Variants in ZFR2 observed in about 807,000 individuals in gnomAD.
The protein encoded by ZFR2 is zinc finger RNA-binding protein 2.
In ZFR2, 104 loss-of-function variants were observed where a neutral mutation model predicts 105.7. The observed-to-expected ratio is 0.98, with a 90% CI of 0.84 to 1.16. ZFR2 has a LOEUF of 1.16. Ranked by LOEUF, ZFR2 falls within the 50% of genes most tolerant of loss-of-function variation. ZFR2 has a pLI of 0.00. For synonymous variants in ZFR2, 634 were observed against 597.7 expected (o/e 1.06, Z -0.89); for missense variants, 1,425 against 1,355.5 (o/e 1.05, Z -0.80).
At position 3,834,088 on chromosome 19, in the gene ZFR2, G is replaced by A. The variant is rs1475335388; in HGVS notation, c.265-310C>T. The stretch of plus-strand genomic sequence containing the variant: ...GGGTTTGCAGGGAGAAGCCCCCGAG[G>A]CCTTGGCAAGGAAATGGAGAGGGGA... On this transcript the variant is annotated intron_variant, in intron 2 of 18. Transcript: ENST00000262961. The surrounding 1 kb of genome is among the most constrained non-coding windows in gnomAD (Gnocchi z 5.3). Among the ~76,000 whole-genome samples the A allele has an allele frequency of 6.6e-6, 1 of 152,196 alleles. No homozygotes were observed. The highest frequency in any genetic ancestry group is 2.4e-5 in the African/African-American group (1 of 41,458).
Position 3,811,310 on chromosome 19 carries a change from C to T in ZFR2, c.2299G>A (p.Glu767Lys), listed in dbSNP as rs370022880. The T allele has an allele frequency of 5.0e-6, 8 of 1,604,982 alleles. No individual in the cohort carries two copies. The highest frequency in any genetic ancestry group is 1.7e-4 in the Middle Eastern group (1 of 6,024). ...GCATGACGGAGGGCGGCCAGGGACT[C>T]GAGGCACTTCTTGGGGCTCAGGACA... ...GDVLSPKKCL[E>K]SLAALRHARW... The change falls in exon 15 of 19, where the codon GAG becomes AAG. Residue 767 changes from glutamate (E) to lysine (K), a missense_variant. By Grantham distance (56) the Glu-to-Lys change is moderately conservative. Transcript: ENST00000262961.
chr19:3,809,857 T>C (rs933793254), intron 16 of ZFR2, among the ~76,000 whole-genome samples: 3 of 152,014 alleles, frequency 2.0e-5, no homozygotes, highest in Admixed American at 2.0e-4. Flanking sequence ...GGCAGGAGAA[T>C]CGCTTGAGCC....
At chr19:3,860,675 G>A (rs1850492109) in intron 1 of ZFR2, among the ~76,000 whole-genome samples, 1 of 152,150 alleles carries the variant, frequency 6.6e-6, no homozygotes, top group African/African-American at 2.4e-5. Context: ...CGCTAGAGAA[G>A]GCATTAGCTA....
intron 1 of ZFR2, among the ~76,000 whole-genome samples, chr19:3,842,531 CAACCATTTAAAGTAT>C (rs1224343422): frequency 2.0e-5 from 3 of 152,050 alleles, no homozygotes; most frequent in Non-Finnish European, 4.4e-5. Context: ...CTATAGAATT[CAACCATTTAAAGTAT>C]AAAATGTAGT....
At chr19:3,860,821 T>C (rs1222572334) in intron 1 of ZFR2, among the ~76,000 whole-genome samples, 2 of 151,934 alleles carry the variant, frequency 1.3e-5, no homozygotes, top group African/African-American at 4.8e-5. Flanking sequence ...GTTCCAGCCC[T>C]CTCCTGCTGC....
intron 12 of ZFR2, among the ~76,000 whole-genome samples, chr19:3,818,645 A>G (rs886323983): frequency 6.6e-6 from 1 of 152,092 alleles, no homozygotes; most frequent in Non-Finnish European, 1.5e-5. Context: ...TCACACGGGC[A>G]CTCAGTGACA....
chr19:3,822,168 G>C lies in ZFR2; in HGVS notation c.1404C>G (p.Phe468Leu), dbSNP rs760518927. 4 of 1,606,542 alleles carry C rather than the reference G, an allele frequency of 2.5e-6. No individual in the cohort carries two copies. The highest frequency in any genetic ancestry group is 2.2e-5 in the East Asian group (1 of 44,494). The change falls in exon 9 of 19, where the codon TTC (phenylalanine) becomes TTG (leucine). Residue 468 changes from phenylalanine to leucine, a missense_variant. Physicochemically the swap from Phe to Leu is conservative, Grantham distance 22. Coordinates refer to ENST00000262961, the MANE Select transcript of ZFR2 (RefSeq NM_015174.2). ...VFSDEGRVLRFHCKLCECSFN... is the reference protein window; with the variant it reads ...VFSDEGRVLRLHCKLCECSFN... ...AACTGCACTCGCACAGCTTGCAGTGGAAGCGAAGCACTCGCCCTTCGTCGC... is the reference window on the plus strand; with the variant it reads ...AACTGCACTCGCACAGCTTGCAGTGCAAGCGAAGCACTCGCCCTTCGTCGC...
chr19:3,845,196 T>C (rs370865508), intron 1 of ZFR2, among the ~76,000 whole-genome samples: 4 of 152,196 alleles, frequency 2.6e-5, no homozygotes, highest in African/African-American at 9.7e-5. Flanking sequence ...CCATTCTGCA[T>C]TGGGCTAAAT....
rs190214918 is a variant in ZFR2, at chr19:3,823,712, G to A, written c.1214-309C>T. ...GTTAATAGACCATGAAGTATCAGGC[G>A]GACCAAGGCTCGCACTTAACCTACC... On this transcript the variant is annotated intron_variant, in intron 7 of 18. Transcript: ENST00000262961. The surrounding 1 kb of genome is among the most constrained non-coding windows in gnomAD (Gnocchi z 5.4). Among the ~76,000 whole-genome samples, 4 of 152,294 alleles carry A rather than the reference G, an allele frequency of 2.6e-5. No homozygotes were observed. The highest frequency in any genetic ancestry group is 3.9e-4 in the East Asian group (2 of 5,188).
At position 3,839,536 on chromosome 19, in the gene ZFR2, C is replaced by CAAAAAA. The variant is rs60712587; in HGVS notation, c.54-4559_54-4554dup. Among the ~76,000 whole-genome samples the CAAAAAA allele has an allele frequency of 6.0e-4, 22 of 36,640 alleles. 2 individuals carry two copies. The highest frequency in any genetic ancestry group is 9.0e-4 in the Non-Finnish European group (18 of 20,064). 24.0% of individuals were successfully genotyped at this position (36,640 alleles called of 152,430 possible). ...CCTGGGTGACAGAGCGGGATTCTGT[C>CAAAAAA]AAAAAAAAAAAAAAAAAAAAAAAAA... On this transcript the variant is annotated intron_variant, in intron 1 of 18. Coordinates refer to ENST00000262961, the MANE Select transcript of ZFR2 (RefSeq NM_015174.2).
At chr19:3,850,285 G>C (rs565497289) in intron 1 of ZFR2, among the ~76,000 whole-genome samples, 1 of 152,214 alleles carries the variant, frequency 6.6e-6, no homozygotes, top group Non-Finnish European at 1.5e-5. Flanking sequence ...GAAATGAGGA[G>C]TGCTGGTGGG....
At position 3,822,094 on chromosome 19, in the gene ZFR2, C is replaced by A. The variant is rs2037901502; in HGVS notation, c.1478G>T (p.Arg493Leu). ...TGCTGGACGCACCCGGTACTGCAGC[C>A]GGTGCCGCCGCCCCCTCACGTGCAG... ...KDLHVRGRRH[R>L]LQYRKKVNPD... Residue 493 changes from arginine to leucine, a missense_variant, in exon 9 of 19, where the codon CGG (arginine) becomes CTG (leucine). Coordinates refer to ENST00000262961, the MANE Select transcript of ZFR2 (RefSeq NM_015174.2). The A allele has an allele frequency of 1.2e-6, 2 of 1,605,216 alleles. No homozygotes were observed. The highest frequency in any genetic ancestry group is 1.7e-6 in the Non-Finnish European group (2 of 1,176,672).
In ZFR2 at chr19:3,806,044, C is replaced by T. The variant is rs1177685381; in HGVS notation, c.2725G>A (p.Ala909Thr). Reference protein sequence around the residue: ...DLLPPRHRLGARFRKRQRGPG... With the variant: ...DLLPPRHRLGTRFRKRQRGPG... ...CCCCGTTGCCTCTTCCGGAAGCGGG[C>T]CCCCAGCCGGTGTCTGGGCGGCAGG... Residue 909 changes from alanine to threonine, a missense_variant, in exon 19 of 19, where the codon GCC becomes ACC. Ala to Thr is a moderately conservative substitution (Grantham distance 58). Transcript: ENST00000262961. 8 of 1,537,790 alleles carry T rather than the reference C, an allele frequency of 5.2e-6. No individual in the cohort carries two copies. The highest frequency in any genetic ancestry group is 7.0e-6 in the Non-Finnish European group (8 of 1,143,030).
intron 1 of ZFR2, among the ~76,000 whole-genome samples, chr19:3,859,275 G>A (rs1338174480): frequency 6.6e-6 from 1 of 152,242 alleles, no homozygotes; most frequent in Non-Finnish European, 1.5e-5. Flanking sequence ...GCTTACACCA[G>A]CAGTTGGCCA....
chr19:3,832,545 C>T (rs941150299), intron 3 of ZFR2, among the ~76,000 whole-genome samples: 2 of 151,862 alleles, frequency 1.3e-5, no homozygotes, highest in African/African-American at 4.8e-5. Context: ...TGGTCTCGAT[C>T]GCTTGACCTT....
chr19:3,822,097 T>G lies in ZFR2; in HGVS notation c.1475A>C (p.His492Pro). 1 of 1,606,318 alleles carries G rather than the reference T, an allele frequency of 6.2e-7. No homozygotes were observed. The highest frequency in any genetic ancestry group is 2.2e-5 in the East Asian group (1 of 44,454). Residue 492 changes from histidine (H) to proline (P), a missense_variant, in exon 9 of 19, where the codon CAC becomes CCC. Physicochemically the swap from His to Pro is moderately conservative, Grantham distance 77 (BLOSUM62 -2). Transcript: ENST00000262961. ...AKDLHVRGRRHRLQYRKKVNP... is the reference protein window; with the variant it reads ...AKDLHVRGRRPRLQYRKKVNP... The stretch of plus-strand genomic sequence containing the variant: ...TGGACGCACCCGGTACTGCAGCCGG[T>G]GCCGCCGCCCCCTCACGTGCAGGTC...
rs377063467 is a variant in ZFR2, at chr19:3,866,206, G to GTCTA, written c.53+2755_53+2758dup. ...AAAGTCATTTCCCACAAGAAAGAAT[G>GTCTA]TCTAGTTAACCTAAAGTCATTCAAA... On this transcript the variant is annotated intron_variant, in intron 1 of 18. Transcript: ENST00000262961. Among the ~76,000 whole-genome samples the GTCTA allele has an allele frequency of 9.1e-4, 139 of 152,290 alleles. 1 individual carries two copies. The highest frequency in any genetic ancestry group is 3.9e-4 in the East Asian group (2 of 5,188).
intron 1 of ZFR2, 129 bp downstream of exon 1, chr19:3,868,836 G>C: frequency 1.3e-6 from 1 of 798,678 alleles, no homozygotes; most frequent in Non-Finnish European, 1.7e-6. Context: ...CTTCCCTCAG[G>C]CCGGGGTTCC....
intron 1 of ZFR2, among the ~76,000 whole-genome samples, chr19:3,866,027 A>G (rs1160476557): frequency 8.6e-5 from 13 of 152,018 alleles, no homozygotes. Context: ...TTTTTAGGAG[A>G]GACAGGGTTT....
Sources: allele counts gnomAD v4.1 joint callset (sites outside exome capture counted in the v4.1 genomes callset), GRCh38; gene constraint gnomAD v4.1.1; non-coding constraint Gnocchi (gnomAD v3.1); transcripts MANE v1.5; gene names NCBI Gene and HGNC (gene_info 2026-07-23, HGNC 2026-07-21).